The following PTPRZ1 variants were observed in gnomAD, a reference collection of about 807,000 sequenced individuals.
The protein encoded by PTPRZ1 is receptor-type tyrosine-protein phosphatase zeta.
In PTPRZ1, 82 loss-of-function variants were observed where a neutral mutation model predicts 214.1. The ratio of observed to expected loss-of-function variants is 0.38; its 90% confidence interval spans 0.32 to 0.46. PTPRZ1 has a LOEUF of 0.46. Ranked by LOEUF, PTPRZ1 falls within the 20% of genes least tolerant of loss-of-function variation. The pLI, the probability that PTPRZ1 is intolerant of heterozygous loss-of-function variation, is 1.00. For synonymous variants in PTPRZ1, 945 were observed against 987.9 expected (o/e 0.96, Z 0.81); for missense variants, 2,603 against 2,748.7 (o/e 0.95, Z 1.19).
rs759159045 is a variant in PTPRZ1 at position 122,013,276 on chromosome 7, C to G, written c.4230C>G (p.Ala1410=). 4 of 1,613,452 alleles carry G rather than the reference C, an allele frequency of 2.5e-6. No individual in the cohort carries two copies. The change falls in exon 12 of 30, where the codon GCC becomes GCG. Residue 1410 remains alanine (A), a synonymous_variant. Coordinates refer to ENST00000393386, the MANE Select transcript of PTPRZ1 (RefSeq NM_002851.3). ...TGAGTCATAGTGCCAAATCTGATGC[C>G]GGTTTAGTGGGTGGTGGTGAAGATG... ...SELSHSAKSD[A]GLVGGGEDGD...
intron 8 of PTPRZ1, among the ~76,000 whole-genome samples, chr7:121,994,309 T>TTTG (rs1798066798): frequency 7.1e-6 from 1 of 141,380 alleles, no homozygotes; most frequent in Non-Finnish European, 1.5e-5. Context: ...TTTTTTTTTT[T>TTTG]TTTGAGACGG....
chr7:122,046,052 G>A (rs913693000), intron 23 of PTPRZ1, among the ~76,000 whole-genome samples: 31 of 152,198 alleles, frequency 2.0e-4, no homozygotes, highest in Middle Eastern at 6.8e-3. Flanking sequence ...TTATTAGGGC[G>A]CAAACAAGAA....
chr7:121,892,689 T>C (rs1274535605), intron 1 of PTPRZ1, among the ~76,000 whole-genome samples: 1 of 23,844 alleles, frequency 4.2e-5, no homozygotes, highest in Non-Finnish European at 7.4e-5. Context: ...CATATATATA[T>C]ATATATATAT....
chr7:121,937,856 T>C (rs1796129521), intron 2 of PTPRZ1, among the ~76,000 whole-genome samples: 1 of 152,172 alleles, frequency 6.6e-6, no homozygotes. Context: ...CGGATTCCAT[T>C]AATGCCGAGA....
Position 122,059,843 on chromosome 7 carries a change from A to G in PTPRZ1, c.6762A>G (p.Val2254=), listed in dbSNP as rs747934141. ...EKENSVDVYQ[V]AKMINLMRPG... is the part of the protein sequence containing the mutation. ...AAAATTCCGTGGATGTTTACCAGGT[A>G]GCCAAGATGATCAATCTGATGAGGC... is the stretch of plus-strand genomic sequence containing the variant. The change falls in exon 29 of 30, where the codon GTA becomes GTG. Residue 2254 remains valine, a synonymous_variant. Coordinates refer to ENST00000393386, the MANE Select transcript of PTPRZ1 (RefSeq NM_002851.3). The G allele has an allele frequency of 3.1e-6, 5 of 1,613,650 alleles. No homozygotes were observed. Among genetic ancestry groups the G allele is most frequent in the Non-Finnish European group, 3.4e-6 (4 of 1,179,806 alleles).
chr7:122,007,148 A>G (rs1165025154), intron 11 of PTPRZ1, among the ~76,000 whole-genome samples: 1 of 152,154 alleles, frequency 6.6e-6, no homozygotes, highest in East Asian at 1.9e-4. Flanking sequence ...AAAGCAGAGT[A>G]GAATTAAAAA....
At chr7:122,014,946 G>A (rs1798802971) in intron 12 of PTPRZ1, among the ~76,000 whole-genome samples, 1 of 152,094 alleles carries the variant, frequency 6.6e-6, no homozygotes, top group Non-Finnish European at 1.5e-5. Flanking sequence ...AATATGTACA[G>A]TATGTATAGG....
chr7:121,986,498 C>T (rs1797765519), intron 8 of PTPRZ1, among the ~76,000 whole-genome samples: 1 of 152,162 alleles, frequency 6.6e-6, no homozygotes, highest in South Asian at 2.1e-4. Context: ...ACAGAAACAA[C>T]ACTTTCTTAA....
chr7:121,969,799 T>G (rs192770476), intron 3 of PTPRZ1, among the ~76,000 whole-genome samples: 2 of 151,632 alleles, frequency 1.3e-5, no homozygotes, highest in African/African-American at 4.8e-5. Context: ...TTTATTCTTT[T>G]TATATATATA....
At position 121,927,720 on chromosome 7, in the gene PTPRZ1, G is replaced by T. The variant is rs1168234491; in HGVS notation, c.59-436G>T. ...AAATTTTGAAAGCGTGATAAACTCT[G>T]GGTACACTAGAAGCATTTTCAGATA... On this transcript the variant is annotated intron_variant, in intron 1 of 29. Coordinates refer to ENST00000393386, the MANE Select transcript of PTPRZ1 (RefSeq NM_002851.3). 2.6e-5 allele frequency among the ~76,000 whole-genome samples: 4 copies of T among 152,152 alleles called. No homozygotes were observed. The East Asian group carries it at 7.7e-4, about 29-fold the overall frequency.
intron 1 of PTPRZ1, among the ~76,000 whole-genome samples, chr7:121,915,555 A>G (rs1206492): frequency 0.68 from 103,404 of 152,058 alleles, 36,838 homozygotes; most frequent in African/African-American, 0.9. Context: ...TTCTTAATTT[A>G]CCAATGAACT....
At chr7:121,901,094 C>CA (rs1794943044) in intron 1 of PTPRZ1, among the ~76,000 whole-genome samples, 1 of 152,048 alleles carries the variant, frequency 6.6e-6, no homozygotes, top group East Asian at 1.9e-4. Flanking sequence ...CTATGTACCC[C>CA]GTTTTCTGTT....
At chr7:121,880,779 ACTTG>A (rs1274652896) in intron 1 of PTPRZ1, among the ~76,000 whole-genome samples, 12 of 152,160 alleles carry the variant, frequency 7.9e-5, no homozygotes, top group Middle Eastern at 3.4e-3. Context: ...ATTTTTACCC[ACTTG>A]CATTCTGACA....
In PTPRZ1 at chr7:122,034,135, C is replaced by T. The variant is rs370815276; in HGVS notation, c.5187+20C>T. ...TACCAGGTAAGGCATTATTTCACTG[C>T]ATTTTCTTTTAGCCAAGAAGTAGTT... On this transcript the variant is annotated intron_variant, in intron 16 of 29. Transcript: ENST00000393386. 1.3e-6 allele frequency: 2 copies of T among 1,589,574 alleles called. No individual in the cohort carries two copies. Among genetic ancestry groups the T allele is most frequent in the Non-Finnish European group, 1.7e-6 (2 of 1,158,704 alleles).
intron 2 of PTPRZ1, among the ~76,000 whole-genome samples, chr7:121,936,205 C>G (rs1203653360): frequency 6.6e-6 from 1 of 152,020 alleles, no homozygotes; most frequent in East Asian, 1.9e-4. Flanking sequence ...AAATCATTAT[C>G]AAGGAGCAAA....
intron 2 of PTPRZ1, among the ~76,000 whole-genome samples, chr7:121,955,574 G>A (rs1274592822): frequency 6.6e-6 from 1 of 152,118 alleles, no homozygotes; most frequent in African/African-American, 2.4e-5. Flanking sequence ...GCCTTTCATT[G>A]AGGGCAGTTA....
chr7:122,038,664 A>T, intron 18 of PTPRZ1, 91 bp from the exon 19 acceptor site: 1 of 1,273,434 alleles, frequency 7.9e-7, no homozygotes, highest in South Asian at 1.9e-5. Flanking sequence ...TTTTACGAAA[A>T]ATTATGCTGA....
rs1474298962 is a variant in PTPRZ1 at position 122,061,426 on chromosome 7, A to G, written c.*206A>G. 1.4e-5 allele frequency: 5 copies of G among 348,084 alleles called. No individual in the cohort carries two copies. Among genetic ancestry groups the G allele is most frequent in the Non-Finnish European group, 2.0e-5 (4 of 197,960 alleles). The allele number at this position is 348,084 out of a possible 1,614,324, so 21.6% of individuals were successfully genotyped here. ...GTAATTTACTTATTATGTTTGAACT[A>G]AAATGATTGAATTTTACAGTATTTC... On this transcript the variant is annotated 3_prime_UTR_variant, in exon 30 of 30. Transcript: ENST00000393386.
Position 121,997,919 on chromosome 7 carries a change from G to C in PTPRZ1, c.1153G>C (p.Val385Leu). Residue 385 changes from valine (V) to leucine (L), a missense_variant, in exon 10 of 30, where the codon GTT (valine) becomes CTT (leucine). Val to Leu is a conservative substitution (Grantham distance 32, BLOSUM62 1). Coordinates refer to ENST00000393386, the MANE Select transcript of PTPRZ1 (RefSeq NM_002851.3). ...LNNLLPNMSYVLQIVAICTNG... is the reference protein window; with the variant it reads ...LNNLLPNMSYLLQIVAICTNG... ...TAATTTGCTACCCAATATGAGTTATGTTCTTCAGATAGTAGCCATATGCAC... is the reference window on the plus strand; with the variant it reads ...TAATTTGCTACCCAATATGAGTTATCTTCTTCAGATAGTAGCCATATGCAC... 1 of 1,610,626 alleles carries C rather than the reference G, an allele frequency of 6.2e-7. No homozygotes were observed. Among genetic ancestry groups the C allele is most frequent in the Non-Finnish European group, 8.5e-7 (1 of 1,177,380 alleles).
Sources: allele counts gnomAD v4.1 joint callset (sites outside exome capture counted in the v4.1 genomes callset), GRCh38; gene constraint gnomAD v4.1.1; transcripts MANE v1.5; gene names NCBI Gene and HGNC (gene_info 2026-07-23, HGNC 2026-07-21).